The following EMSY variants were observed in gnomAD, a reference collection of about 807,000 sequenced individuals.
EMSY encodes EMSY transcriptional repressor, BRCA2 interacting, also known as BRCA2-interacting transcriptional repressor EMSY.
A neutral mutation model predicts 134.6 loss-of-function variants in EMSY; 26 were observed. The observed-to-expected ratio is 0.19, with a 90% confidence interval of 0.14 to 0.27. The LOEUF (loss-of-function observed/expected upper bound fraction) is 0.27. Ranked by LOEUF, EMSY falls within the 10% of genes least tolerant of loss-of-function variation. The pLI, the probability that EMSY is intolerant of heterozygous loss-of-function variation, is 1.00. For missense variants in EMSY, 1,305 were observed against 1,611.4 expected (o/e 0.81, Z 3.26); for synonymous variants, 579 against 577.8 (o/e 1.00, Z -0.03).
chr11:76,478,944 C>G (rs1173387725), intron 8 of EMSY, among the ~76,000 whole-genome samples: 1 of 151,978 alleles, frequency 6.6e-6, no homozygotes, highest in East Asian at 1.9e-4. Flanking sequence ...TTTCTTAGAA[C>G]CAGCACTCAG....
chr11:76,502,374 T>C (rs1949902805), intron 9 of EMSY, among the ~76,000 whole-genome samples: 1 of 139,234 alleles, frequency 7.2e-6, no homozygotes, highest in African/African-American at 2.7e-5. Context: ...CTTTATATTA[T>C]TTTTTTTTAA....
downstream of EMSY, chr11:76,551,672 G>A (rs1951840359): frequency 1.3e-5 from 2 of 152,158 alleles, no homozygotes; most frequent in African/African-American, 2.4e-5. Flanking sequence ...ACAAATTCAT[G>A]TTTAAAAAAC....
intron 2 of EMSY, among the ~76,000 whole-genome samples, chr11:76,449,692 G>A (rs953611879): frequency 2.0e-5 from 3 of 152,086 alleles, no homozygotes; most frequent in African/African-American, 7.2e-5. Flanking sequence ...ATTTTAGACT[G>A]GAAATAGAGG....
exon 11 of EMSY, chr11:76,516,166 C>G (rs1950443785): frequency 6.2e-7 from 1 of 1,613,646 alleles, no homozygotes; most frequent in Non-Finnish European, 8.5e-7. Context: ...TATACCCGGC[C>G]AACAGTGAGC....
At position 76,485,701 on chromosome 11, in the gene EMSY, A is replaced by G. The variant is rs144202617; in HGVS notation, c.1109-10514A>G. ...AGTATTGGAAGTTCTGGCCAGGGCA[A>G]TCAGGCAAGAGAAAGAAATAAAGGG... On this transcript the variant is annotated intron_variant, in intron 8 of 20. Transcript: ENST00000334736. Among the ~76,000 whole-genome samples, 751 of 152,316 alleles carry G rather than the reference A, an allele frequency of 4.9e-3. 4 individuals carry two copies. The highest frequency in any genetic ancestry group is 0.02 in the Middle Eastern group (6 of 294).
chr11:76,547,682 T>C (rs1225677946), intron 20 of EMSY, among the ~76,000 whole-genome samples: 1 of 152,246 alleles, frequency 6.6e-6, no homozygotes, highest in Admixed American at 6.5e-5. Flanking sequence ...TGGTAATTAT[T>C]ACTGTTTTTA....
intron 16 of EMSY, 29 bp from the exon 18 acceptor site, chr11:76,539,570 A>G (rs772874584): frequency 1.1e-5 from 18 of 1,611,426 alleles, no homozygotes; most frequent in African/African-American, 6.7e-5. Flanking sequence ...TGAAAAGACT[A>G]TGATTTCTTC....
chr11:76,453,481 C>A, intron 4 of EMSY, 93 bp downstream of exon 4: 1 of 1,130,562 alleles, frequency 8.8e-7, no homozygotes, highest in Non-Finnish European at 1.3e-6. Context: ...ATTCCTGAGT[C>A]TTTTAAGTAA....
chr11:76,544,781 A>G, exon 19 of EMSY: 2 of 1,614,066 alleles, frequency 1.2e-6, no homozygotes, highest in Non-Finnish European at 1.7e-6. Flanking sequence ...CCAGAGCCAA[A>G]TGTCGCTCCC....
At chr11:76,469,558 A>G (rs1420911912) in intron 7 of EMSY, among the ~76,000 whole-genome samples, 1 of 152,222 alleles carries the variant, frequency 6.6e-6, no homozygotes, top group Non-Finnish European at 1.5e-5. Context: ...TTTCACATTT[A>G]TTAAGTAGTA....
Position 76,549,878 on chromosome 11 carries a change from T to C in EMSY, c.3775-74T>C, listed in dbSNP as rs2136923273. 3.0e-6 allele frequency: 4 copies of C among 1,325,562 alleles called. No homozygotes were observed. The East Asian group carries it at 7.0e-5, about 23-fold the overall frequency. 82.1% of individuals were successfully genotyped at this position (1,325,562 alleles called of 1,614,324 possible). On this transcript the variant is annotated intron_variant, in intron 20 of 20. Coordinates refer to ENST00000334736, the Ensembl canonical transcript of EMSY. Reference sequence around the variant, plus strand: ...AATGTCAGTTTTCTTTTTTTTTTTTTTCTTGATATTGTTGGGGAAGTTATT... The same window carrying C: ...AATGTCAGTTTTCTTTTTTTTTTTTCTCTTGATATTGTTGGGGAAGTTATT...
chr11:76,543,431 A>G (rs949403338), intron 18 of EMSY, among the ~76,000 whole-genome samples: 1 of 152,180 alleles, frequency 6.6e-6, no homozygotes, highest in South Asian at 2.1e-4. Flanking sequence ...AGGGAAGCCA[A>G]CTGGCTGGAG....
intron 7 of EMSY, among the ~76,000 whole-genome samples, chr11:76,465,262 C>G (rs1326689865): frequency 1.3e-5 from 2 of 152,080 alleles, no homozygotes; most frequent in Non-Finnish European, 2.9e-5. Context: ...TTTTCCTACT[C>G]TAATATAATG....
At chr11:76,447,262 A>T (rs531133991) in intron 2 of EMSY, among the ~76,000 whole-genome samples, 1 of 152,204 alleles carries the variant, frequency 6.6e-6, no homozygotes, top group Non-Finnish European at 1.5e-5. Flanking sequence ...AGTCTTTTTT[A>T]TACAACATCT....
intron 9 of EMSY, among the ~76,000 whole-genome samples, chr11:76,510,147 A>G (rs913770230): frequency 6.6e-6 from 1 of 152,238 alleles, no homozygotes; most frequent in Non-Finnish European, 1.5e-5. Flanking sequence ...TTGAAGCCAG[A>G]GTTCAAGATC....
intron 9 of EMSY, chr11:76,496,695 T>G: frequency 1.7e-6 from 1 of 596,566 alleles, no homozygotes; most frequent in Non-Finnish European, 3.0e-6. Context: ...GATTTTAATT[T>G]CAATGTCTAC....
At chr11:76,454,695 A>G (rs1947801363) in intron 4 of EMSY, 54 bp from the exon 5 acceptor site, 2 of 1,223,074 alleles carry the variant, frequency 1.6e-6, no homozygotes, top group African/African-American at 3.1e-5. Context: ...CATCAGTTTC[A>G]TACTTAAAGG....
chr11:76,479,312 A>C (rs1209236863), intron 8 of EMSY, among the ~76,000 whole-genome samples: 2 of 152,222 alleles, frequency 1.3e-5, no homozygotes, highest in Non-Finnish European at 2.9e-5. Context: ...GGTGCACACC[A>C]CACAGTTTAT....
chr11:76,548,383 GTTCA>G (rs1951728126), intron 20 of EMSY, among the ~76,000 whole-genome samples: 1 of 152,162 alleles, frequency 6.6e-6, no homozygotes, highest in Non-Finnish European at 1.5e-5. Flanking sequence ...TGGTTGATTC[GTTCA>G]TTCATTCATT....
Sources: gnomAD v4.1 joint callset for allele counts (sites outside exome capture counted in the v4.1 genomes callset) on GRCh38, gnomAD v4.1.1 for gene constraint, MANE v1.5 for transcripts, NCBI Gene and HGNC (gene_info 2026-07-23, HGNC 2026-07-21) for gene names.